The following SUPT7L variants were observed in gnomAD, a reference collection of about 807,000 sequenced individuals.
The protein encoded by SUPT7L is STAGA complex 65 subunit gamma.
In SUPT7L, 15 loss-of-function variants were observed where a neutral mutation model predicts 35.7. The ratio of observed to expected loss-of-function variants is 0.42; its 90% CI spans 0.28 to 0.65. The LOEUF is 0.65. SUPT7L is among the 30% of genes least tolerant of loss of function. The pLI, the probability that SUPT7L is intolerant of heterozygous loss-of-function variation, is 0.23. For synonymous variants in SUPT7L, 168 were observed against 186.2 expected, an observed-to-expected ratio of 0.90 and a Z score of 0.79; for missense variants, 434 against 522.2, an observed-to-expected ratio of 0.83 and a Z score of 1.65.
chr2:27,663,568 C>A lies in SUPT7L; in HGVS notation c.-329G>T. Reference sequence around the variant, plus strand: ...TGTCTGGACCTCGAGAGGCCTGAGGCAAGGATCGCGTCAGACCCCGAAAGC... The same window carrying A: ...TGTCTGGACCTCGAGAGGCCTGAGGAAAGGATCGCGTCAGACCCCGAAAGC... On this transcript the variant is annotated 5_prime_UTR_variant, in exon 1 of 6. Transcript: ENST00000337768. The A allele has an allele frequency of 1.7e-6, 1 of 594,528 alleles. No homozygotes were observed. The highest frequency in any genetic ancestry group is 3.0e-6 in the Non-Finnish European group (1 of 337,738). 36.8% of individuals were successfully genotyped at this position (594,528 alleles called of 1,614,324 possible). A position where few individuals can be genotyped will look rare whatever the true frequency, so the allele number is the denominator to read the frequency against.
In SUPT7L at chr2:27,653,327, CA is replaced by C; in HGVS notation, c.*157del. On this transcript the variant is annotated 3_prime_UTR_variant, in exon 6 of 6. Coordinates refer to ENST00000337768, the MANE Select transcript of SUPT7L (RefSeq NM_014860.3). ...AAAAACTGGATGCAAAAGTAAAATG[CA>C]ACCTTGTTTGGTGACGTCCAGTTCC... 9.3e-7 allele frequency: 1 copy of C among 1,078,466 alleles called. No homozygotes were observed. The highest frequency in any genetic ancestry group is 1.3e-6 in the Non-Finnish European group (1 of 768,030). 66.8% of individuals were successfully genotyped at this position (1,078,466 alleles called of 1,614,324 possible). A position where few individuals can be genotyped will look rare whatever the true frequency, so the allele number is the denominator to read the frequency against.
chr2:27,644,716 T>TC, the SUPT7L span, among the ~76,000 whole-genome samples: 3 of 149,976 alleles, frequency 2.0e-5, no homozygotes, highest in Non-Finnish European at 3.0e-5. Context: ...GTTTTTTTTT[T>TC]GGTAGTGTTT....
intron 4 of SUPT7L, among the ~76,000 whole-genome samples, chr2:27,656,616 T>C (rs550237513): frequency 2.0e-5 from 3 of 151,352 alleles, no homozygotes; most frequent in Admixed American, 1.3e-4. Context: ...GGCAGGAGGA[T>C]TGTCAGTAGG....
intron 5 of SUPT7L, 53 bp from the exon 6 acceptor site, chr2:27,653,800 G>A (rs1458019793): frequency 1.9e-6 from 3 of 1,603,774 alleles, no homozygotes; most frequent in African/African-American, 2.7e-5. Flanking sequence ...GTAGCCAAGT[G>A]TAGAACAAAG....
chr2:27,655,443 G>A lies in SUPT7L; in HGVS notation c.904C>T (p.Leu302=), dbSNP rs1674750303. The stretch of plus-strand genomic sequence containing the variant: ...TGAGCCCCAAGCACTCCCATAGGCA[G>A]TGACTGGTCTCCAGAAGCAAGGTCA... ...EADLASGDQS[L]PMGVLGAQSE... is the part of the protein sequence containing the mutation. The change falls in exon 5 of 6, where the codon CTG becomes TTG. Residue 302 remains leucine (L), a synonymous_variant. Transcript: ENST00000337768. 2.5e-6 allele frequency: 4 copies of A among 1,613,982 alleles called. No individual in the cohort carries two copies. The highest frequency in any genetic ancestry group is 1.3e-5 in the African/African-American group (1 of 74,932).
downstream of SUPT7L, chr2:27,647,919 G>T (rs1456204239): frequency 5.0e-6 from 8 of 1,610,192 alleles, no homozygotes; most frequent in African/African-American, 1.3e-5. Flanking sequence ...AGCAGACAGC[G>T]ATACTGATGA....
downstream of SUPT7L, among the ~76,000 whole-genome samples, chr2:27,648,306 G>A (rs1267021228): frequency 6.6e-6 from 1 of 152,098 alleles, no homozygotes; most frequent in African/African-American, 2.4e-5. Context: ...GATTGCTTGA[G>A]GCCAGGAGTT....
chr2:27,662,719 C>T (rs1039312373), intron 1 of SUPT7L, among the ~76,000 whole-genome samples: 1 of 152,116 alleles, frequency 6.6e-6, no homozygotes. Context: ...TGTTACAGGG[C>T]CAGGCACACA....
At chr2:27,649,503 C>T (rs1020729479), downstream of SUPT7L, among the ~76,000 whole-genome samples, 1 of 152,130 alleles carries the variant, frequency 6.6e-6, no homozygotes, top group South Asian at 2.1e-4. Flanking sequence ...TCCCTCACCC[C>T]CCAAAACTTC....
Position 27,653,642 on chromosome 2 carries a change from T to G in SUPT7L, c.1088A>C (p.Asp363Ala). 1 of 1,614,162 alleles carries G rather than the reference T, an allele frequency of 6.2e-7. No homozygotes were observed. The change falls in exon 6 of 6, where the codon GAT (aspartate) becomes GCT (alanine). Residue 363 changes from aspartate (D) to alanine (A), a missense_variant. This residue lies in a region of SUPT7L where 159 missense variants were observed against 217.1 expected (regional missense o/e 0.73). Transcript: ENST00000337768. ...NVSGHGVLGS[D>A]VFEEPMSGMS... The stretch of plus-strand genomic sequence containing the variant: ...GCCTGACATAGGCTCCTCGAAGACA[T>G]CACTGCCCAGCACACCATGCCCAGA...
Position 27,653,145 on chromosome 2 carries a change from T to G in SUPT7L, c.*340A>C. 2 of 292,994 alleles carry G rather than the reference T, an allele frequency of 6.8e-6. No individual in the cohort carries two copies. Among genetic ancestry groups the G allele is most frequent in the South Asian group, 3.9e-5 (1 of 25,552 alleles). The allele number at this position is 292,994 out of a possible 1,614,324, so 18.1% of individuals were successfully genotyped here. A position where few individuals can be genotyped will look rare whatever the true frequency, so the allele number is the denominator to read the frequency against. ...TCTAAATCCTCACATCTCTACAAGG[T>G]AGGTCAAAGTATGATTCTTCTCAGT... On this transcript the variant is annotated 3_prime_UTR_variant, in exon 6 of 6. Transcript: ENST00000337768.
At chr2:27,661,497 G>C in intron 2 of SUPT7L, 109 bp from the exon 3 acceptor site, 1 of 1,522,892 alleles carries the variant, frequency 6.6e-7, no homozygotes, top group Non-Finnish European at 8.7e-7. Flanking sequence ...CTTCTGTAGT[G>C]AAAAATACGA....
intron 5 of SUPT7L, 42 bp from the exon 6 acceptor site, chr2:27,653,789 T>TGTA: frequency 6.2e-7 from 1 of 1,609,336 alleles, no homozygotes; most frequent in Non-Finnish European, 8.5e-7. Flanking sequence ...AGTGTATATG[T>TGTA]GTAGCCAAGT....
At chr2:27,649,334 CTTTAGGCTGGGT>C (rs1359118042), downstream of SUPT7L, among the ~76,000 whole-genome samples, 1 of 151,596 alleles carries the variant, frequency 6.6e-6, no homozygotes, top group African/African-American at 2.4e-5. Flanking sequence ...TCTCCTTATT[CTTTAGGCTGGGT>C]TTTACATGTA....
chr2:27,644,041 G>A, the SUPT7L span, among the ~76,000 whole-genome samples: 5 of 152,150 alleles, frequency 3.3e-5, no homozygotes, highest in African/African-American at 9.7e-5. Flanking sequence ...TTAGCTGGGC[G>A]TGGTCGTGCA....
chr2:27,648,982 C>A (rs945246471), downstream of SUPT7L, among the ~76,000 whole-genome samples: 1 of 151,352 alleles, frequency 6.6e-6, no homozygotes, highest in African/African-American at 2.4e-5. Flanking sequence ...CGGTGGCTCA[C>A]GTCTGTAATC....
intron 4 of SUPT7L, 144 bp from the exon 5 acceptor site, chr2:27,655,746 G>A: frequency 4.0e-6 from 3 of 756,996 alleles, no homozygotes; most frequent in Non-Finnish European, 6.4e-6. Flanking sequence ...ATTTGTTTAA[G>A]GTGCTGAGTT....
chr2:27,654,531 T>A (rs1674702892), intron 5 of SUPT7L, among the ~76,000 whole-genome samples: 1 of 151,976 alleles, frequency 6.6e-6, no homozygotes, highest in South Asian at 2.1e-4. Context: ...AATCACAGAG[T>A]CTGGAAAAAG....
In SUPT7L at chr2:27,663,501, A is replaced by G. The variant is rs2148126934; in HGVS notation, c.-262T>C. Reference sequence around the variant, plus strand: ...TGGACCTGAACCGAGACAAGGAGGTACCACACTATTCACTGCTGCGTCGCA... The same window carrying G: ...TGGACCTGAACCGAGACAAGGAGGTGCCACACTATTCACTGCTGCGTCGCA... On this transcript the variant is annotated 5_prime_UTR_variant, in exon 1 of 6. Transcript: ENST00000337768. 2 of 464,580 alleles carry G rather than the reference A, an allele frequency of 4.3e-6. No individual in the cohort carries two copies. The highest frequency in any genetic ancestry group is 4.4e-5 in the South Asian group (2 of 45,946). 28.8% of individuals were successfully genotyped at this position (464,580 alleles called of 1,614,324 possible).
Sources: allele counts gnomAD v4.1 joint callset (sites outside exome capture counted in the v4.1 genomes callset), GRCh38; gene constraint gnomAD v4.1.1; regional missense constraint gnomAD v4.1.1; transcripts MANE v1.5; gene names NCBI Gene and HGNC (gene_info 2026-07-23, HGNC 2026-07-21).